CTNNA3: variants seen among roughly 807,000 people sequenced by gnomAD.
The protein encoded by CTNNA3 is catenin alpha 3.
Under a neutral mutation model 95.7 loss-of-function variants are expected in CTNNA3, and 76 were observed. The ratio of observed to expected loss-of-function variants is 0.79; its 90% CI spans 0.66 to 0.96. The LOEUF is 0.96. Ranked by LOEUF, CTNNA3 falls within the 40% of genes least tolerant of loss-of-function variation. The probability of loss-of-function intolerance (pLI) is 0.00; values close to 1 mark genes in which losing one functional copy is unlikely to be tolerated. For synonymous variants in CTNNA3, 431 were observed against 374.4 expected (o/e 1.15, Z -1.74); for missense variants, 1,191 against 1,089.8 (o/e 1.09, Z -1.31).
chr10:67,256,317 T>G (rs886828242), intron 5 of CTNNA3, among the ~76,000 whole-genome samples: 1 of 152,190 alleles, frequency 6.6e-6, no homozygotes, highest in Non-Finnish European at 1.5e-5. Context: ...TTATCTTGAT[T>G]GTATACCAAG....
intron 7 of CTNNA3, among the ~76,000 whole-genome samples, chr10:66,816,204 A>C (rs1162286036): frequency 6.6e-6 from 1 of 152,142 alleles, no homozygotes; most frequent in Non-Finnish European, 1.5e-5. Context: ...AATATAGTAA[A>C]AGAAAATTAT....
chr10:67,726,342 AAT>A (rs1290248133), intron 1 of CTNNA3, among the ~76,000 whole-genome samples: 1 of 57,480 alleles, frequency 1.7e-5, no homozygotes, highest in East Asian at 1.1e-3. Context: ...TATTATATAT[AAT>A]ATATGATATA....
intron 1 of CTNNA3, chr10:67,750,492 G>A (rs60697858): frequency 0.079 from 121,297 of 1,542,754 alleles, 5,912 homozygotes; most frequent in African/African-American, 0.21. Flanking sequence ...GCTGTAAAGC[G>A]GGAGGACCTC....
chr10:67,669,120 T>C (rs952155618), intron 1 of CTNNA3, among the ~76,000 whole-genome samples: 1 of 152,108 alleles, frequency 6.6e-6, no homozygotes, highest in South Asian at 2.1e-4. Flanking sequence ...GTATTTCATT[T>C]ATCTTCAAAA....
chr10:67,716,583 G>C (rs988970553), intron 1 of CTNNA3, among the ~76,000 whole-genome samples: 1 of 152,090 alleles, frequency 6.6e-6, no homozygotes, highest in East Asian at 1.9e-4. Context: ...TCGGTTTTCT[G>C]TTCCTGTGTT....
chr10:66,655,954 A>C (rs1480131092), intron 9 of CTNNA3, among the ~76,000 whole-genome samples: 1 of 152,126 alleles, frequency 6.6e-6, no homozygotes, highest in East Asian at 1.9e-4. Flanking sequence ...GACGTGGCTC[A>C]TATCTGTCAT....
intron 9 of CTNNA3, among the ~76,000 whole-genome samples, chr10:66,683,282 G>A (rs1292843097): frequency 6.6e-6 from 1 of 152,102 alleles, no homozygotes; most frequent in East Asian, 1.9e-4. Flanking sequence ...GAATAAAGCT[G>A]GGATGTATGA....
At chr10:65,979,045 T>C (rs1241250910) in intron 16 of CTNNA3, among the ~76,000 whole-genome samples, 1 of 152,138 alleles carries the variant, frequency 6.6e-6, no homozygotes, top group Non-Finnish European at 1.5e-5. Context: ...GAAAGTATGG[T>C]GCATGGCATA....
At chr10:65,924,916 C>A (rs1343944625) in intron 17 of CTNNA3, among the ~76,000 whole-genome samples, 1 of 152,128 alleles carries the variant, frequency 6.6e-6, no homozygotes, top group East Asian at 1.9e-4. Context: ...GTTATAAAAC[C>A]ATCAGATCCT....
In CTNNA3 at chr10:66,069,443, T is replaced by C. The variant is rs751523508; in HGVS notation, c.2024A>G (p.Glu675Gly). The change falls in exon 15 of 18, where the codon GAG becomes GGG. Residue 675 changes from glutamate to glycine, a missense_variant. Glu to Gly is a moderately conservative substitution (Grantham distance 98). Coordinates refer to ENST00000433211, the MANE Select transcript of CTNNA3 (RefSeq NM_013266.4). ...TACTTTCTTGAAATCAGCAACTTGC[T>C]CAGCAATCTTTTCTTTTTCTGCCTC... ...LPEAEKEKIA[E>G]QVADFKKVKS... 1.2e-6 allele frequency: 2 copies of C among 1,613,476 alleles called. No homozygotes were observed. The highest frequency in any genetic ancestry group is 1.7e-6 in the Non-Finnish European group (2 of 1,179,732).
chr10:66,537,311 G>T (rs888705771), intron 10 of CTNNA3, among the ~76,000 whole-genome samples: 1 of 152,124 alleles, frequency 6.6e-6, no homozygotes, highest in Admixed American at 6.5e-5. Context: ...ACATCTTTAT[G>T]TCAGAGGGCA....
chr10:67,201,547 C>T (rs187184354), intron 6 of CTNNA3, among the ~76,000 whole-genome samples: 243 of 152,094 alleles, frequency 1.6e-3, no homozygotes, highest in Non-Finnish European at 2.4e-3. Context: ...TTAGACATTG[C>T]TCTTTTGGAT....
chr10:67,237,122 G>GTATA (rs769498914), intron 5 of CTNNA3, among the ~76,000 whole-genome samples: 2,779 of 79,326 alleles, frequency 0.035, 715 homozygotes, highest in Non-Finnish European at 0.06. Flanking sequence ...AAACTATGGT[G>GTATA]TATGTATATA....
intron 13 of CTNNA3, among the ~76,000 whole-genome samples, chr10:66,245,059 C>T (rs1226100523): frequency 6.6e-6 from 1 of 152,148 alleles, no homozygotes; most frequent in East Asian, 1.9e-4. Context: ...AGGCTGTGCT[C>T]AGCTCACGCT....
chr10:67,610,193 C>T (rs1393450470), intron 2 of CTNNA3, among the ~76,000 whole-genome samples: 2 of 152,164 alleles, frequency 1.3e-5, no homozygotes, highest in African/African-American at 2.4e-5. Flanking sequence ...ATCCTCCATG[C>T]GCCAAATGTT....
At chr10:67,701,686 G>A (rs1185583632) in intron 1 of CTNNA3, among the ~76,000 whole-genome samples, 1 of 152,150 alleles carries the variant, frequency 6.6e-6, no homozygotes, top group East Asian at 1.9e-4. Context: ...AAACTGTAAA[G>A]ACCATCGAGG....
chr10:67,386,174 T>G lies in CTNNA3; in HGVS notation c.579+135668A>C, dbSNP rs538354823. On this transcript the variant is annotated intron_variant, in intron 5 of 17. Transcript: ENST00000433211. Reference sequence around the variant, plus strand: ...GGGTTAGACCTGATTCTGAATTCTTTACATTGCCATGCACCATAGGGAATG... The same window carrying G: ...GGGTTAGACCTGATTCTGAATTCTTGACATTGCCATGCACCATAGGGAATG... Among the ~76,000 whole-genome samples the G allele has an allele frequency of 3.3e-5, 5 of 152,344 alleles. No homozygotes were observed. In the East Asian group the frequency reaches 9.6e-4, roughly 29 times the overall value.
chr10:65,994,559 A>G (rs1049090101), intron 15 of CTNNA3, among the ~76,000 whole-genome samples: 4 of 152,064 alleles, frequency 2.6e-5, no homozygotes, highest in African/African-American at 9.7e-5. Flanking sequence ...ACTTAACATC[A>G]TTCTCTTCCT....
chr10:66,309,172 C>G (rs981719954), intron 12 of CTNNA3, among the ~76,000 whole-genome samples: 1 of 152,076 alleles, frequency 6.6e-6, no homozygotes, highest in Non-Finnish European at 1.5e-5. Flanking sequence ...AATTTTATCT[C>G]CTTAGGTAAA....
Sources: allele counts gnomAD v4.1 joint callset (sites outside exome capture counted in the v4.1 genomes callset), GRCh38; gene constraint gnomAD v4.1.1; transcripts MANE v1.5; gene names NCBI Gene and HGNC (gene_info 2026-07-23, HGNC 2026-07-21).